Variants in DTNA observed in about 807,000 individuals in gnomAD.
The protein encoded by DTNA is dystrobrevin alpha.
DTNA carries 43 observed loss-of-function variants against 100.7 expected under a neutral mutation model. The observed-to-expected ratio is 0.43, with a 90% CI of 0.33 to 0.55. The LOEUF is 0.55. Ranked by LOEUF, DTNA falls within the 20% of genes least tolerant of loss-of-function variation. DTNA has a pLI of 0.04. For synonymous variants in DTNA, 349 were observed against 347.9 expected, an observed-to-expected ratio of 1.00 and a Z score of -0.04; for missense variants, 798 against 953.9, an observed-to-expected ratio of 0.84 and a Z score of 2.15.
chr18:34,511,331 C>CGG (rs2041067814), intron 1 of DTNA, among the ~76,000 whole-genome samples: 1 of 152,064 alleles, frequency 6.6e-6, no homozygotes, highest in Non-Finnish European at 1.5e-5. Flanking sequence ...CTCAATCCTA[C>CGG]TCAGTAACCC....
chr18:34,628,222 T>C (rs947156301), intron 1 of DTNA, among the ~76,000 whole-genome samples: 2 of 152,252 alleles, frequency 1.3e-5, no homozygotes, highest in African/African-American at 4.8e-5. Flanking sequence ...ATCCTTCTTA[T>C]GCATTCCCTC....
intron 1 of DTNA, among the ~76,000 whole-genome samples, chr18:34,599,001 C>G (rs2051228827): frequency 6.6e-6 from 1 of 152,172 alleles, no homozygotes; most frequent in African/African-American, 2.4e-5. Context: ...GGAAATATAA[C>G]TTATTAATTC....
chr18:34,621,243 A>C (rs2056446261), intron 1 of DTNA, among the ~76,000 whole-genome samples: 1 of 149,536 alleles, frequency 6.7e-6, no homozygotes, highest in African/African-American at 2.4e-5. Flanking sequence ...ATATATATAT[A>C]TCCTGTGAAT....
chr18:34,705,357 T>C (rs1284979895), upstream of DTNA, among the ~76,000 whole-genome samples: 2 of 152,086 alleles, frequency 1.3e-5, no homozygotes, highest in African/African-American at 4.8e-5. Flanking sequence ...TAACTACCAT[T>C]CCTGACTTGG....
chr18:34,695,729 T>C (rs530881114), intron 1 of DTNA, among the ~76,000 whole-genome samples: 35 of 152,300 alleles, frequency 2.3e-4, no homozygotes, highest in Non-Finnish European at 4.1e-4. Flanking sequence ...GTTTGGGGAA[T>C]GACCATGGAA....
At chr18:34,760,511 A>C (rs540865947) in intron 2 of DTNA, among the ~76,000 whole-genome samples, 225 of 152,250 alleles carry the variant, frequency 1.5e-3, no homozygotes, top group Non-Finnish European at 2.6e-3. Context: ...CATAAACTAA[A>C]CTTCCCTTCC....
rs868835850 is a variant in DTNA at position 34,512,946 on chromosome 18, A to G, written c.-2+19432A>G. Among the ~76,000 whole-genome samples the G allele has an allele frequency of 2.6e-5, 4 of 152,140 alleles. No homozygotes were observed. The East Asian group carries it at 5.8e-4, about 22-fold the overall frequency. On this transcript the variant is annotated intron_variant, in intron 1 of 19. Coordinates refer to the DTNA transcript ENST00000283365. ...CAGTATAGAAGAATACTGGTTTCAC[A>G]TAAGATGTGACCACTGCTATAATCA... is the stretch of plus-strand genomic sequence containing the variant.
At chr18:34,712,880 C>A (rs1233926081) in intron 1 of DTNA, among the ~76,000 whole-genome samples, 2 of 151,812 alleles carry the variant, frequency 1.3e-5, no homozygotes, top group African/African-American at 4.8e-5. Context: ...TAAAAAACAA[C>A]CATATTGAGT....
At chr18:34,800,317 A>AAATTAACTGTTTCTGACCCTTT (rs1390629277) in intron 4 of DTNA, among the ~76,000 whole-genome samples, 1 of 152,204 alleles carries the variant, frequency 6.6e-6, no homozygotes, top group Non-Finnish European at 1.5e-5. Context: ...GGTTGTATTA[A>AAATTAACTGTTTCTGACCCTTT]AATTAACTGT....
intron 1 of DTNA, among the ~76,000 whole-genome samples, chr18:34,564,230 C>T (rs921640411): frequency 1.3e-5 from 2 of 152,110 alleles, no homozygotes; most frequent in East Asian, 3.9e-4. Flanking sequence ...GAAACTTTCA[C>T]CTTCTGGGTT....
At position 34,637,277 on chromosome 18, in the gene DTNA, T is replaced by C. The variant is rs549286791; in HGVS notation, c.-1-118699T>C. Among the ~76,000 whole-genome samples, 228 of 152,280 alleles carry C rather than the reference T, an allele frequency of 1.5e-3. 2 individuals carry two copies. Among genetic ancestry groups the C allele is most frequent in the African/African-American group, 4.9e-3 (205 of 41,548 alleles). On this transcript the variant is annotated intron_variant, in intron 1 of 19. Transcript: ENST00000283365. ...CAGTGGCATACTCTGCTATTTACTTTTAGCAACCAGGATTTAATTAAGTGC... is the reference window on the plus strand; with the variant it reads ...CAGTGGCATACTCTGCTATTTACTTCTAGCAACCAGGATTTAATTAAGTGC...
At chr18:34,668,064 T>A (rs2076196842) in intron 1 of DTNA, among the ~76,000 whole-genome samples, 2 of 152,176 alleles carry the variant, frequency 1.3e-5, no homozygotes, top group South Asian at 4.1e-4. Context: ...CTGGACTTTT[T>A]TTGGTTGGTA....
At chr18:34,497,983 A>G (rs1190308983) in intron 1 of DTNA, among the ~76,000 whole-genome samples, 1 of 152,206 alleles carries the variant, frequency 6.6e-6, no homozygotes, top group African/African-American at 2.4e-5. Flanking sequence ...ATCATTAATT[A>G]ATGTAAGAAT....
intron 2 of DTNA, among the ~76,000 whole-genome samples, chr18:34,761,828 C>T (rs1421290213): frequency 1.3e-5 from 2 of 151,928 alleles, no homozygotes; most frequent in Non-Finnish European, 2.9e-5. Context: ...TGAAGCAAAA[C>T]TAATAAATCA....
chr18:34,706,310 A>G (rs980901598), upstream of DTNA, among the ~76,000 whole-genome samples: 1 of 152,204 alleles, frequency 6.6e-6, no homozygotes, highest in Non-Finnish European at 1.5e-5. Context: ...CTGATAGTTG[A>G]ATTATAAGTG....
chr18:34,838,197 A>T (rs779870420), intron 12 of DTNA, 26 bp downstream of exon 12: 122 of 1,611,268 alleles, frequency 7.6e-5, no homozygotes, highest in Non-Finnish European at 9.9e-5. Flanking sequence ...AGTGTACTGG[A>T]ACCCTGCATT....
At chr18:34,629,484 C>T (rs1434719936) in intron 1 of DTNA, among the ~76,000 whole-genome samples, 1 of 152,106 alleles carries the variant, frequency 6.6e-6, no homozygotes. Flanking sequence ...GTACTTTCAG[C>T]CCTAGCTCGG....
At chr18:34,521,806 T>C (rs1268644911) in intron 1 of DTNA, among the ~76,000 whole-genome samples, 1 of 152,184 alleles carries the variant, frequency 6.6e-6, no homozygotes, top group Non-Finnish European at 1.5e-5. Context: ...CCTGTCCCTC[T>C]TTATCCACTT....
intron 1 of DTNA, among the ~76,000 whole-genome samples, chr18:34,547,613 C>A (rs2044936800): frequency 6.6e-6 from 1 of 152,064 alleles, no homozygotes; most frequent in South Asian, 2.1e-4. Context: ...ATATTGGGTT[C>A]CTGGAGATAT....
Sources: allele counts gnomAD v4.1 joint callset (sites outside exome capture counted in the v4.1 genomes callset), GRCh38; gene constraint gnomAD v4.1.1; transcripts MANE v1.5; gene names NCBI Gene and HGNC (gene_info 2026-07-23, HGNC 2026-07-21).